The following BRWD3 variants were observed in gnomAD, a reference collection of about 807,000 sequenced individuals.
The protein encoded by BRWD3 is bromodomain and WD repeat-containing protein 3.
Under a neutral mutation model 149.7 loss-of-function variants are expected in BRWD3, and 10 were observed. That is an observed-to-expected ratio of 0.07 (90% CI 0.04 to 0.11). BRWD3 has a LOEUF of 0.11. Ranked by LOEUF, BRWD3 falls within the 10% of genes least tolerant of loss-of-function variation. BRWD3 has a pLI of 1.00. For synonymous variants in BRWD3, 504 were observed against 456.7 expected, an observed-to-expected ratio of 1.10 and a Z score of -1.32; for missense variants, 940 against 1,373.2, an observed-to-expected ratio of 0.68 and a Z score of 4.99.
chrX:80,774,107 ACT>A (rs2073975816), intron 6 of BRWD3, among the ~76,000 whole-genome samples: 1 of 110,609 alleles, frequency 9.0e-6, no homozygotes, highest in Non-Finnish European at 1.9e-5. Context: ...ATGTTAATCA[ACT>A]CTGTAATTCT....
chrX:80,711,358 C>T (rs1194615125), intron 20 of BRWD3, among the ~76,000 whole-genome samples: 1 of 111,814 alleles, frequency 8.9e-6, no homozygotes, highest in East Asian at 2.8e-4. Flanking sequence ...AGGGGTTTTA[C>T]TTAACCCTAT....
At chrX:80,717,431 A>T (rs2073088769) in intron 19 of BRWD3, 142 bp downstream of exon 19, 1 of 558,948 alleles carries the variant, frequency 1.8e-6, no homozygotes, top group African/African-American at 2.3e-5. Context: ...AAGTGAACTC[A>T]CTGGAATAAT....
chrX:80,742,264 G>T (rs1176407890), intron 8 of BRWD3, among the ~76,000 whole-genome samples: 1 of 110,447 alleles, frequency 9.1e-6, no homozygotes, highest in Middle Eastern at 4.2e-3. Context: ...TGTTCCATTG[G>T]TCTATATTTC....
rs1369714193 is a variant in BRWD3, at chrX:80,691,059, A to T, written c.3596T>A (p.Phe1199Tyr). ...NTIRRRLENR[F>Y]YRRISALMWE... ...TGATTAAAAAAAAACAGACCTGTAA[A>T]AGCGATTTTCAAGTCTCCGCCTGAT... The change falls in exon 31 of 41, where the codon TTT (phenylalanine) becomes TAT (tyrosine). Residue 1199 changes from phenylalanine (F) to tyrosine (Y), a missense_variant. This residue lies in a region of BRWD3 where 349 missense variants were observed against 419.6 expected (regional missense o/e 0.83). Transcript: ENST00000373275. 9 of 1,207,221 alleles carry T rather than the reference A, an allele frequency of 7.5e-6. No individual in the cohort carries two copies. The highest frequency in any genetic ancestry group is 8.9e-6 in the Non-Finnish European group (8 of 893,872).
rs2147757368 is a variant in BRWD3 at position 80,724,915 on chromosome X, C to CAGGT, written c.1521+14_1521+17dup. On this transcript the variant is annotated intron_variant, in intron 15 of 40. Coordinates refer to ENST00000373275, the MANE Select transcript of BRWD3 (RefSeq NM_153252.5). ...AGTTGGTTTTAATGTGAACTAGATA[C>CAGGT]AGGTAGGTGTCTCTTACCATGTTAA... 1.7e-6 allele frequency: 2 copies of CAGGT among 1,208,734 alleles called. No individual in the cohort carries two copies. The highest frequency in any genetic ancestry group is 3.5e-5 in the South Asian group (2 of 56,926).
intron 18 of BRWD3, among the ~76,000 whole-genome samples, chrX:80,719,194 C>T (rs951592797): frequency 6.3e-5 from 7 of 110,271 alleles, no homozygotes; most frequent in African/African-American, 2.0e-4. Flanking sequence ...TACAAAAGGG[C>T]TAGACTTACC....
intron 4 of BRWD3, among the ~76,000 whole-genome samples, chrX:80,795,171 A>G (rs2074223938): frequency 9.0e-6 from 1 of 111,387 alleles, no homozygotes; most frequent in African/African-American, 3.3e-5. Flanking sequence ...AATCTAAGCT[A>G]ATGTACAAAT....
chrX:80,687,989 A>C, intron 34 of BRWD3, 80 bp downstream of exon 34: 3 of 731,504 alleles, frequency 4.1e-6, no homozygotes, highest in Non-Finnish European at 6.5e-6. Flanking sequence ...GCAATTCTCC[A>C]AATATGGGGT....
intron 6 of BRWD3, among the ~76,000 whole-genome samples, chrX:80,751,976 T>C (rs1287084118): frequency 2.5e-5 from 2 of 81,507 alleles, no homozygotes; most frequent in Admixed American, 1.7e-4. Flanking sequence ...AATTTATTCA[T>C]ATTTCATTAT....
chrX:80,713,542 C>G (rs1441614826), intron 20 of BRWD3, among the ~76,000 whole-genome samples: 1 of 109,666 alleles, frequency 9.1e-6, no homozygotes, highest in Non-Finnish European at 1.9e-5. Flanking sequence ...TACCCAGGGA[C>G]ACAAACACTG....
intron 6 of BRWD3, among the ~76,000 whole-genome samples, chrX:80,780,982 T>A (rs959836514): frequency 1.8e-5 from 2 of 111,666 alleles, no homozygotes; most frequent in Non-Finnish European, 3.8e-5. Flanking sequence ...AACGACACAA[T>A]GGCCAATAAG....
chrX:80,753,515 C>T (rs1256777359), intron 6 of BRWD3, among the ~76,000 whole-genome samples: 1 of 110,986 alleles, frequency 9.0e-6, no homozygotes, highest in Non-Finnish European at 1.9e-5. Flanking sequence ...AGGTGATCTG[C>T]CCACCTCAAC....
chrX:80,690,948 G>A (rs1406023324), intron 31 of BRWD3, 105 bp downstream of exon 31: 1 of 955,486 alleles, frequency 1.0e-6, no homozygotes, highest in Non-Finnish European at 1.4e-6. Context: ...TTTGGTGTGG[G>A]TCTTTTGGAT....
chrX:80,751,111 G>A (rs756398220), intron 6 of BRWD3, among the ~76,000 whole-genome samples: 18 of 111,106 alleles, frequency 1.6e-4, no homozygotes, highest in Admixed American at 6.8e-4. Context: ...AGAGGGGTGA[G>A]GAAAGGGGAG....
chrX:80,738,023 A>G (rs2073428313), intron 8 of BRWD3, among the ~76,000 whole-genome samples: 1 of 112,677 alleles, frequency 8.9e-6, no homozygotes, highest in African/African-American at 3.2e-5. Flanking sequence ...ATTGTATGAC[A>G]TGCTAAGCCT....
In BRWD3 at chrX:80,734,125, G is replaced by A; in HGVS notation, c.1079C>T (p.Ser360Leu). 1 of 1,169,403 alleles carries A rather than the reference G, an allele frequency of 8.6e-7. No individual in the cohort carries two copies. Among genetic ancestry groups the A allele is most frequent in the Non-Finnish European group, 1.2e-6 (1 of 857,326 alleles). ...EVPEKIAELE[S>L]HTDKVVAVQF... ...TTTCTGATTTTCTCTTACCGTATGT[G>A]ACTCTAATTCAGCAATTTTCTCAGG... is the stretch of plus-strand genomic sequence containing the variant. The change falls in exon 11 of 41, where the codon TCA (serine) becomes TTA (leucine). Residue 360 changes from serine (S) to leucine (L), a missense_variant. Around this residue, in one of 6 missense-constraint regions of BRWD3, gnomAD observed 209 missense variants for 396.8 expected, o/e 0.53. Coordinates refer to ENST00000373275, the MANE Select transcript of BRWD3 (RefSeq NM_153252.5).
intron 33 of BRWD3, among the ~76,000 whole-genome samples, chrX:80,688,360 C>T (rs1025613725): frequency 2.7e-5 from 3 of 110,940 alleles, no homozygotes; most frequent in Admixed American, 9.6e-5. Context: ...AAACAAGAAT[C>T]GGAAAGGAGG....
chrX:80,734,333 G>A, intron 10 of BRWD3, 115 bp from the exon 11 acceptor site: 2 of 516,295 alleles, frequency 3.9e-6, no homozygotes, highest in Non-Finnish European at 6.8e-6. Context: ...AGAAACACAA[G>A]GTTGTCTTCT....
chrX:80,716,077 C>A, intron 20 of BRWD3, 80 bp downstream of exon 20: 2 of 818,962 alleles, frequency 2.4e-6, no homozygotes, highest in East Asian at 3.2e-5. Flanking sequence ...TCTTAACACA[C>A]AACTGCTGCC....
Sources: gnomAD v4.1 joint callset for allele counts (sites outside exome capture counted in the v4.1 genomes callset) on GRCh38, gnomAD v4.1.1 for gene constraint, gnomAD v4.1.1 regional missense constraint, MANE v1.5 for transcripts, NCBI Gene and HGNC (gene_info 2026-07-23, HGNC 2026-07-21) for gene names.